Variants in NLRC5 observed in about 807,000 individuals in gnomAD.
NLRC5 encodes protein NLRC5.
A neutral mutation model predicts 206.9 loss-of-function variants in NLRC5; 114 were observed. The observed-to-expected ratio is 0.55, with a 90% confidence interval of 0.47 to 0.64. The LOEUF (loss-of-function observed/expected upper bound fraction) is 0.64. NLRC5 is among the 30% of genes least tolerant of loss of function. The pLI, the probability that NLRC5 is intolerant of heterozygous loss-of-function variation, is 0.00. For synonymous variants in NLRC5, 952 were observed against 962.8 expected, an observed-to-expected ratio of 0.99 and a Z score of 0.21; for missense variants, 2,008 against 2,305.5, an observed-to-expected ratio of 0.87 and a Z score of 2.64.
intron 2 of NLRC5, among the ~76,000 whole-genome samples, chr16:57,018,889 G>A (rs1326152317): frequency 6.6e-6 from 1 of 152,110 alleles, no homozygotes; most frequent in African/African-American, 2.4e-5. Flanking sequence ...CCAACTGTTG[G>A]ACATTTAGGT....
chr16:57,077,814 C>A lies in NLRC5; in HGVS notation c.5003+12C>A. On this transcript the variant is annotated intron_variant, in intron 42 of 48. Transcript: ENST00000688547. ...CTGGAGGAGTTGATGTGAGTGTCTG[C>A]CCAGGTGGCCTCTGCCCTCTGTGCC... is the stretch of plus-strand genomic sequence containing the variant. The A allele has an allele frequency of 6.3e-7, 1 of 1,593,754 alleles. No individual in the cohort carries two copies. Among genetic ancestry groups the A allele is most frequent in the Non-Finnish European group, 8.6e-7 (1 of 1,168,194 alleles).
intron 32 of NLRC5, among the ~76,000 whole-genome samples, chr16:57,064,196 A>G (rs1476751817): frequency 6.6e-6 from 1 of 152,002 alleles, no homozygotes; most frequent in Non-Finnish European, 1.5e-5. Context: ...GCAAAACCCC[A>G]TATCTACAAA....
intron 38 of NLRC5, among the ~76,000 whole-genome samples, chr16:57,072,755 G>T (rs2067935529): frequency 6.6e-6 from 1 of 151,846 alleles, no homozygotes; most frequent in African/African-American, 2.4e-5. Context: ...AACATGAAAT[G>T]CCCCGGGGAT....
In NLRC5 at chr16:57,026,446, A is replaced by G; in HGVS notation, c.1503A>G (p.Thr501=). The G allele has an allele frequency of 6.2e-7, 1 of 1,614,102 alleles. No individual in the cohort carries two copies. Among genetic ancestry groups the G allele is most frequent in the African/African-American group, 1.3e-5 (1 of 75,032 alleles). The change falls in exon 6 of 49, where the codon ACA becomes ACG. Residue 501 remains threonine (T), a synonymous_variant. Coordinates refer to ENST00000688547, the MANE Select transcript of NLRC5 (RefSeq NM_001384950.1). ...HSLLTSFCVC[T]GPGHQQTGYA... ...TGCTGACTTCCTTCTGCGTCTGCAC[A>G]GGCCCTGGGCACCAGCAGACAGGCT... is the stretch of plus-strand genomic sequence containing the variant.
At chr16:57,044,145 C>A (rs1240089311) in intron 20 of NLRC5, among the ~76,000 whole-genome samples, 145 of 128,456 alleles carry the variant, frequency 1.1e-3, no homozygotes, top group East Asian at 1.5e-3. Context: ...CTAAAAATAC[C>A]AAAAAAAAAA....
Position 57,061,475 on chromosome 16 carries a change from G to A in NLRC5, c.4014G>A (p.Glu1338=). The change falls in exon 31 of 49, where the codon GAG becomes GAA. Residue 1338 remains glutamate (E), a synonymous_variant. Transcript: ENST00000688547. ...LRLSECSFRP[E]HVSRLATGLS... ...TAAGTGAGTGCAGCTTCCGGCCAGA[G>A]CACGTGTCCAGGCTGGCCACCGGCT... is the stretch of plus-strand genomic sequence containing the variant. 3 of 1,611,374 alleles carry A rather than the reference G, an allele frequency of 1.9e-6. No homozygotes were observed. The highest frequency in any genetic ancestry group is 1.7e-6 in the Non-Finnish European group (2 of 1,180,020).
At chr16:57,081,701 C>T (rs2069171057) in intron 48 of NLRC5, 91 bp downstream of exon 48, 1 of 1,133,242 alleles carries the variant, frequency 8.8e-7, no homozygotes, top group Non-Finnish European at 1.3e-6. Flanking sequence ...GCGGCAGGGC[C>T]TGGGCTGGGG....
At chr16:57,028,493 C>A in intron 8 of NLRC5, 108 bp downstream of exon 8, 1 of 830,938 alleles carries the variant, frequency 1.2e-6, no homozygotes, top group South Asian at 1.5e-5. Flanking sequence ...AGTAGTTTTT[C>A]AGTGAGACCC....
In NLRC5 at chr16:57,070,858, GTGTGAGAGT is replaced by G. The variant is rs1567638969; in HGVS notation, c.4667+241_4667+249del. 1.4e-4 allele frequency among the ~76,000 whole-genome samples: 19 copies of G among 136,490 alleles called. 1 individual carries two copies. Among genetic ancestry groups the G allele is most frequent in the African/African-American group, 4.7e-4 (15 of 32,210 alleles). 89.5% of individuals were successfully genotyped at this position (136,490 alleles called of 152,430 possible). Reference sequence around the variant, plus strand: ...TGGTGATGGTGGTTAATGGGGAAGGGTGTGAGAGTGGTGATGGTGGTTAATGGGGAAGGG... The same window carrying G: ...TGGTGATGGTGGTTAATGGGGAAGGGGGTGATGGTGGTTAATGGGGAAGGG... On this transcript the variant is annotated intron_variant, in intron 38 of 48. Coordinates refer to ENST00000688547, the MANE Select transcript of NLRC5 (RefSeq NM_001384950.1).
intron 35 of NLRC5, 68 bp downstream of exon 35, chr16:57,067,538 A>C (rs988255583): frequency 1.4e-6 from 2 of 1,477,236 alleles, no homozygotes; most frequent in Non-Finnish European, 1.9e-6. Flanking sequence ...ACTCCAGGCC[A>C]TGTGTGACCC....
chr16:57,003,941 C>A (rs1376655023), intron 1 of NLRC5: 3 of 151,746 alleles, frequency 2.0e-5, no homozygotes, highest in African/African-American at 7.3e-5. Context: ...AATCCAGGGC[C>A]CTGGTACGGA....
At chr16:56,998,244 CAAGT>C (rs2057861221) in intron 1 of NLRC5, among the ~76,000 whole-genome samples, 1 of 149,878 alleles carries the variant, frequency 6.7e-6, no homozygotes, top group Non-Finnish European at 1.5e-5. Context: ...CTAAACCACA[CAAGT>C]AAGACACGAA....
In NLRC5 at chr16:57,061,525, A is replaced by T; in HGVS notation, c.4064A>T (p.Glu1355Val). Residue 1355 changes from glutamate to valine, a missense_variant, in exon 31 of 49, where the codon GAG becomes GTG. By Grantham distance (121) the Glu-to-Val change is moderately radical. Transcript: ENST00000688547. ...TTGAGCAAGTCCCTGCAGCTGACGG[A>T]GCTCACGTGAGTGACCCACCCAGCC... is the stretch of plus-strand genomic sequence containing the variant. ...TGLSKSLQLTELTLTQCCLGQ... is the reference protein window; with the variant it reads ...TGLSKSLQLTVLTLTQCCLGQ... 6.2e-7 allele frequency: 1 copy of T among 1,609,838 alleles called. No individual in the cohort carries two copies. The highest frequency in any genetic ancestry group is 8.5e-7 in the Non-Finnish European group (1 of 1,180,002).
rs762856601 is a variant in NLRC5, at chr16:57,067,614, AG to A, written c.4407-119del. The stretch of plus-strand genomic sequence containing the variant: ...GCCAGTGGAGGGGAGGGAGAGCCCC[AG>A]GGTGGCTCAGGGGAGCTCTTGGGTG... On this transcript the variant is annotated intron_variant, in intron 35 of 48. Transcript: ENST00000688547. 2.9e-4 allele frequency: 379 copies of A among 1,303,444 alleles called. 1 individual carries two copies. The highest frequency in any genetic ancestry group is 3.9e-4 in the Non-Finnish European group (359 of 909,788). 80.7% of individuals were successfully genotyped at this position (1,303,444 alleles called of 1,614,324 possible).
Position 57,029,875 on chromosome 16 carries a change from G to T in NLRC5, c.2327+19G>T. 6.2e-7 allele frequency: 1 copy of T among 1,611,904 alleles called. No homozygotes were observed. The highest frequency in any genetic ancestry group is 8.5e-7 in the Non-Finnish European group (1 of 1,177,954). ...AGCTTGAGTAAGTGATCTTTCCACT[G>T]CCTCTGCAGCCCAGTCCCTCTCTAT... is the stretch of plus-strand genomic sequence containing the variant. On this transcript the variant is annotated intron_variant, in intron 9 of 48. Coordinates refer to ENST00000688547, the MANE Select transcript of NLRC5 (RefSeq NM_001384950.1).
intron 2 of NLRC5, among the ~76,000 whole-genome samples, chr16:57,020,407 A>G (rs1381950230): frequency 1.2e-5 from 1 of 86,716 alleles, no homozygotes; most frequent in Admixed American, 1.4e-4. Flanking sequence ...CCCCCAGTTC[A>G]TCTTCCTCCT....
At chr16:56,996,321 G>T (rs1295282948) in intron 1 of NLRC5, among the ~76,000 whole-genome samples, 1 of 152,060 alleles carries the variant, frequency 6.6e-6, no homozygotes, top group Admixed American at 6.6e-5. Flanking sequence ...GGGACTACAG[G>T]TGCGCACCAC....
chr16:57,037,054 C>T, intron 14 of NLRC5, 141 bp from the exon 15 acceptor site: 1 of 724,710 alleles, frequency 1.4e-6, no homozygotes, highest in South Asian at 1.5e-5. Context: ...CACCAGAATC[C>T]TTTGAGATCC....
At chr16:57,029,889 G>C in intron 9 of NLRC5, 33 bp downstream of exon 9, 3 of 1,611,314 alleles carry the variant, frequency 1.9e-6, no homozygotes, top group Non-Finnish European at 2.5e-6. Context: ...CTGCAGCCCA[G>C]TCCCTCTCTA....
Sources: allele counts gnomAD v4.1 joint callset (sites outside exome capture counted in the v4.1 genomes callset), GRCh38; gene constraint gnomAD v4.1.1; transcripts MANE v1.5; gene names NCBI Gene and HGNC (gene_info 2026-07-23, HGNC 2026-07-21).